Variants in XCR1 observed in about 807,000 individuals in gnomAD.
The protein encoded by XCR1 is X-C motif chemokine receptor 1.
For synonymous variants in XCR1, 187 were observed against 188.5 expected (o/e 0.99, Z 0.06); for missense variants, 356 against 424.2 (o/e 0.84, Z 1.41).
At chr3:46,037,116 G>A (rs1024148786) in intron 5 of XCR1, among the ~76,000 whole-genome samples, 3 of 152,068 alleles carry the variant, frequency 2.0e-5, no homozygotes, top group Admixed American at 6.5e-5. Context: ...GTAGGCAGTT[G>A]AGGGTTTCTT....
At chr3:46,024,141 A>T (rs1708237618) in intron 1 of XCR1, 1 of 636,346 alleles carries the variant, frequency 1.6e-6, no homozygotes, top group Non-Finnish European at 2.8e-6. Flanking sequence ...TTCTGAAAGG[A>T]TTTATGAATA....
chr3:46,043,029 A>G (rs1368604753), intron 5 of XCR1, among the ~76,000 whole-genome samples: 1 of 150,392 alleles, frequency 6.6e-6, no homozygotes, highest in Non-Finnish European at 1.5e-5. Context: ...TAAAAAAATC[A>G]ATAATGTAAT....
intron 4 of XCR1, among the ~76,000 whole-genome samples, chr3:46,056,683 C>T (rs948214198): frequency 2.6e-5 from 4 of 151,436 alleles, no homozygotes; most frequent in Non-Finnish European, 2.9e-5. Context: ...GATGGGGTTT[C>T]GCCATCTTGC....
At chr3:46,043,221 A>C (rs1417405118) in intron 5 of XCR1, among the ~76,000 whole-genome samples, 6 of 151,948 alleles carry the variant, frequency 3.9e-5, no homozygotes, top group Non-Finnish European at 7.4e-5. Flanking sequence ...CAGGCAGATC[A>C]CCTGAGGTCA....
At chr3:46,059,964 T>C (rs1697930860) in intron 4 of XCR1, among the ~76,000 whole-genome samples, 1 of 152,252 alleles carries the variant, frequency 6.6e-6, no homozygotes, top group Non-Finnish European at 1.5e-5. Flanking sequence ...TTTCCCTAGA[T>C]ACCTTGTAAC....
At chr3:46,036,903 T>A (rs1697440245) in intron 5 of XCR1, among the ~76,000 whole-genome samples, 1 of 152,162 alleles carries the variant, frequency 6.6e-6, no homozygotes, top group Admixed American at 6.6e-5. Context: ...AATGCATAAG[T>A]AATCGAGATA....
intron 4 of XCR1, among the ~76,000 whole-genome samples, chr3:46,055,029 CTT>C (rs1697829389): frequency 6.6e-6 from 1 of 152,222 alleles, no homozygotes; most frequent in African/African-American, 2.4e-5. Flanking sequence ...GAAGGTCTCT[CTT>C]AAGTTATATC....
intron 3 of XCR1, among the ~76,000 whole-genome samples, chr3:46,068,418 A>G (rs1698112225): frequency 6.6e-6 from 1 of 151,962 alleles, no homozygotes; most frequent in Non-Finnish European, 1.5e-5. Flanking sequence ...TTTCCTTTCC[A>G]TTGTTATGTT....
At chr3:46,042,004 C>T (rs7625558) in intron 5 of XCR1, among the ~76,000 whole-genome samples, 3 of 152,102 alleles carry the variant, frequency 2.0e-5, no homozygotes, top group Non-Finnish European at 4.4e-5. Flanking sequence ...TCATTGTCTC[C>T]GTGACTGGCT....
intron 1 of XCR1, among the ~76,000 whole-genome samples, chr3:46,085,028 C>G (rs1328895468): frequency 6.6e-6 from 1 of 151,980 alleles, no homozygotes; most frequent in Non-Finnish European, 1.5e-5. Flanking sequence ...GGAAGGGTGT[C>G]CTGGGCAGCT....
intron 3 of XCR1, among the ~76,000 whole-genome samples, chr3:46,072,273 T>C (rs1698175329): frequency 6.6e-6 from 1 of 152,054 alleles, no homozygotes; most frequent in Admixed American, 6.6e-5. Context: ...AATCCCAGCA[T>C]CTTGGGAGGC....
At chr3:46,074,515 C>T (rs1698225214) in intron 3 of XCR1, among the ~76,000 whole-genome samples, 1 of 151,708 alleles carries the variant, frequency 6.6e-6, no homozygotes, top group South Asian at 2.1e-4. Context: ...TTAATGGGTA[C>T]AATGTACATT....
chr3:46,022,563 T>C (rs1321945843), intron 1 of XCR1, among the ~76,000 whole-genome samples: 1 of 152,178 alleles, frequency 6.6e-6, no homozygotes, highest in African/African-American at 2.4e-5. Flanking sequence ...AGGAGGAGAG[T>C]ATAATGAGGC....
At chr3:46,062,605 A>G (rs1697985364) in intron 4 of XCR1, among the ~76,000 whole-genome samples, 1 of 151,764 alleles carries the variant, frequency 6.6e-6, no homozygotes, top group Non-Finnish European at 1.5e-5. Context: ...TTCTCCCGTT[A>G]CTCTTTTGGG....
At chr3:46,058,664 C>T (rs535349980) in intron 4 of XCR1, among the ~76,000 whole-genome samples, 1 of 152,292 alleles carries the variant, frequency 6.6e-6, no homozygotes, top group African/African-American at 2.4e-5. Context: ...CCTCCCACCT[C>T]AGCCTCCTGA....
intron 5 of XCR1, among the ~76,000 whole-genome samples, chr3:46,046,282 G>A (rs2125898564): frequency 6.6e-6 from 1 of 152,324 alleles, no homozygotes; most frequent in East Asian, 1.9e-4. Context: ...AGGGCCCTGA[G>A]CTTTACACAG....
intron 4 of XCR1, among the ~76,000 whole-genome samples, chr3:46,059,774 A>G (rs4637320): frequency 0.71 from 107,060 of 151,802 alleles, 38,580 homozygotes; most frequent in East Asian, 0.94. Flanking sequence ...GTGTGTGTAA[A>G]TAAACGTTCC....
At position 46,026,864 on chromosome 3, in the gene XCR1, G is replaced by A. The variant is rs1195390070; in HGVS notation, c.-32+553C>T. Among the ~76,000 whole-genome samples the A allele has an allele frequency of 5.3e-5, 8 of 150,932 alleles. No individual in the cohort carries two copies. In the South Asian group the frequency reaches 6.3e-4, roughly 12 times the overall value. On this transcript the variant is annotated intron_variant, in intron 1 of 1. Coordinates refer to ENST00000309285, the MANE Select transcript of XCR1 (RefSeq NM_001024644.2). ...CCCAAAGTGCTGGGATTACAGGTGG[G>A]AGCCACCACGCCCAGCCAATTTTTC... is the stretch of plus-strand genomic sequence containing the variant.
chr3:46,050,868 A>C lies in XCR1; in HGVS notation c.-32+3052T>G, dbSNP rs114396681. On this transcript the variant is annotated intron_variant, in intron 5 of 5. Transcript: ENST00000683768. ...CTTGCTGTAATGCGCCCATCGGTTT[A>C]ATTTGTGCATTAATAGCTCTCAAAT... Among the ~76,000 whole-genome samples, 1,249 of 152,314 alleles carry C rather than the reference A, an allele frequency of 8.2e-3. 10 individuals are homozygous for C. The highest frequency in any genetic ancestry group is 0.014 in the Non-Finnish European group (943 of 68,016).
Sources: gnomAD v4.1 joint callset for allele counts (sites outside exome capture counted in the v4.1 genomes callset) on GRCh38, gnomAD v4.1.1 for gene constraint, MANE v1.5 for transcripts, NCBI Gene and HGNC (gene_info 2026-07-23, HGNC 2026-07-21) for gene names.